QRSL1: variants seen among roughly 807,000 people sequenced by gnomAD.
QRSL1 encodes the protein glutamyl-tRNA(Gln) amidotransferase subunit A, mitochondrial.
A neutral mutation model predicts 61.6 loss-of-function variants in QRSL1; 54 were observed. The ratio of observed to expected loss-of-function variants is 0.88; its 90% CI spans 0.70 to 1.10. The LOEUF is 1.10. Among genes scored for constraint, QRSL1 ranks in the 50% least tolerant of loss-of-function variants. The pLI, the probability that QRSL1 is intolerant of heterozygous loss-of-function variation, is 0.00. For synonymous variants in QRSL1, 228 were observed against 225.7 expected, an observed-to-expected ratio of 1.01 and a Z score of -0.09; for missense variants, 505 against 622.6, an observed-to-expected ratio of 0.81 and a Z score of 2.01.
chr6:106,629,675 G>A lies in QRSL1; in HGVS notation c.-7G>A, dbSNP rs3747792. 0.021 allele frequency: 34,012 copies of A among 1,604,704 alleles called. 2,851 individuals carry two copies. The highest frequency in any genetic ancestry group is 0.21 in the African/African-American group (15,706 of 74,762). ...GCTCCTGTGGTGGCAGGCTGGGCAC[G>A]AGGACCATGCTGGGCCGGAGCCTCC... On this transcript the variant is annotated 5_prime_UTR_variant, in exon 1 of 11. Transcript: ENST00000369046.
intron 1 of QRSL1, among the ~76,000 whole-genome samples, chr6:106,630,706 G>T (rs544410940): frequency 6.6e-6 from 1 of 152,262 alleles, no homozygotes; most frequent in South Asian, 2.1e-4. Context: ...GTGATTTCTG[G>T]TAAGAAGTAG....
intron 9 of QRSL1, 146 bp downstream of exon 9, chr6:106,655,878 G>A: frequency 1.8e-6 from 1 of 558,340 alleles, no homozygotes; most frequent in Non-Finnish European, 3.3e-6. Flanking sequence ...GCACTTTTGG[G>A]TCCTGGTATT....
chr6:106,654,342 TC>T (rs1279197142), intron 7 of QRSL1, among the ~76,000 whole-genome samples: 2 of 148,610 alleles, frequency 1.3e-5, no homozygotes, highest in Non-Finnish European at 3.0e-5. Flanking sequence ...AGAGTGAGAC[TC>T]CGTCTCAAAA....
At chr6:106,640,565 G>A (rs541039288) in intron 2 of QRSL1, 57 bp downstream of exon 2, 3 of 1,398,402 alleles carry the variant, frequency 2.1e-6, no homozygotes, top group African/African-American at 2.9e-5. Flanking sequence ...TTAATTGTTT[G>A]TAGCAGTCTC....
chr6:106,655,874 T>C (rs778737520), intron 9 of QRSL1, 142 bp downstream of exon 9: 3 of 569,988 alleles, frequency 5.3e-6, no homozygotes, highest in Non-Finnish European at 9.5e-6. Context: ...TATGGCACTT[T>C]TGGGTCCTGG....
At chr6:106,650,361 G>A (rs1777173224) in intron 5 of QRSL1, among the ~76,000 whole-genome samples, 1 of 152,186 alleles carries the variant, frequency 6.6e-6, no homozygotes, top group African/African-American at 2.4e-5. Flanking sequence ...TGTAAGAAAG[G>A]AAATCTAATT....
chr6:106,656,017 A>T (rs1454204766), intron 9 of QRSL1, among the ~76,000 whole-genome samples: 1 of 152,220 alleles, frequency 6.6e-6, no homozygotes, highest in Admixed American at 6.5e-5. Context: ...AAAAATAAAA[A>T]ATAACACCCA....
At chr6:106,657,688 A>G (rs1777292892) in intron 9 of QRSL1, among the ~76,000 whole-genome samples, 1 of 152,150 alleles carries the variant, frequency 6.6e-6, no homozygotes, top group South Asian at 2.1e-4. Flanking sequence ...TAAAAAGTCA[A>G]CTTATGTGCC....
intron 4 of QRSL1, among the ~76,000 whole-genome samples, chr6:106,643,494 A>G (rs1205116084): frequency 2.6e-5 from 4 of 152,148 alleles, no homozygotes; most frequent in African/African-American, 4.8e-5. Context: ...AACCTGACCA[A>G]CATGGAGAAA....
intron 9 of QRSL1, among the ~76,000 whole-genome samples, chr6:106,657,121 T>C (rs1465001718): frequency 6.6e-6 from 1 of 152,110 alleles, no homozygotes; most frequent in Non-Finnish European, 1.5e-5. Context: ...ATACAAAAAT[T>C]AGCTGGGCGT....
At chr6:106,635,314 A>C (rs1776902313) in intron 1 of QRSL1, among the ~76,000 whole-genome samples, 1 of 152,200 alleles carries the variant, frequency 6.6e-6, no homozygotes, top group African/African-American at 2.4e-5. Flanking sequence ...TGGTGTCCTG[A>C]ACACAGAGAA....
At chr6:106,642,397 G>A in intron 3 of QRSL1, 3 of 481,116 alleles carry the variant, frequency 6.2e-6, no homozygotes, top group Non-Finnish European at 1.2e-5. Flanking sequence ...TCGCTGTTTT[G>A]TTTCCTATAA....
chr6:106,642,817 C>T, intron 3 of QRSL1, 177 bp from the exon 4 acceptor site: 3 of 749,408 alleles, frequency 4.0e-6, no homozygotes, highest in Non-Finnish European at 7.4e-6. Context: ...AGAAAGGTAC[C>T]TGGGTTCAAC....
chr6:106,631,146 A>G (rs1776821102), intron 1 of QRSL1, among the ~76,000 whole-genome samples: 1 of 152,130 alleles, frequency 6.6e-6, no homozygotes, highest in African/African-American at 2.4e-5. Flanking sequence ...GAATGGCGTG[A>G]ACCCGGGAGG....
At position 106,661,943 on chromosome 6, in the gene QRSL1, G is replaced by A. The variant is rs111818944; in HGVS notation, c.1161-1037G>A. 4.2e-3 allele frequency among the ~76,000 whole-genome samples: 633 copies of A among 151,526 alleles called. 2 individuals are homozygous for A. The highest frequency in any genetic ancestry group is 6.6e-3 in the Non-Finnish European group (449 of 67,816). On this transcript the variant is annotated intron_variant, in intron 9 of 10. Transcript: ENST00000369046. ...TCAGGCTGGTCTTAAACTCTCAGCC[G>A]CAGGTGATCCACCCACCTCGGCCTC...
At chr6:106,634,043 C>G (rs1380103007) in intron 1 of QRSL1, among the ~76,000 whole-genome samples, 1 of 151,816 alleles carries the variant, frequency 6.6e-6, no homozygotes, top group Non-Finnish European at 1.5e-5. Context: ...GTTGGGGGAG[C>G]TGGACATTTT....
At chr6:106,652,016 G>T (rs1777194326) in intron 5 of QRSL1, among the ~76,000 whole-genome samples, 193 bp from the exon 6 acceptor site, 1 of 152,138 alleles carries the variant, frequency 6.6e-6, no homozygotes, top group Non-Finnish European at 1.5e-5. Context: ...AATGTTAACA[G>T]TGTTTTCCTC....
chr6:106,630,008 A>T (rs928654050), intron 1 of QRSL1, among the ~76,000 whole-genome samples: 1 of 152,100 alleles, frequency 6.6e-6, no homozygotes, highest in Admixed American at 6.5e-5. Context: ...GCTTTGCCAA[A>T]GGGGGCTTGC....
At chr6:106,645,450 T>C (rs1418108760) in intron 4 of QRSL1, among the ~76,000 whole-genome samples, 1 of 151,920 alleles carries the variant, frequency 6.6e-6, no homozygotes, top group East Asian at 1.9e-4. Flanking sequence ...TGAGACAGAA[T>C]CTCACTCTGT....
Sources: allele counts gnomAD v4.1 joint callset (sites outside exome capture counted in the v4.1 genomes callset), GRCh38; gene constraint gnomAD v4.1.1; transcripts MANE v1.5; gene names NCBI Gene and HGNC (gene_info 2026-07-23, HGNC 2026-07-21).